DNASE1: variants seen among roughly 807,000 people sequenced by gnomAD.
DNASE1 encodes deoxyribonuclease-1.
A neutral mutation model predicts 33.9 loss-of-function variants in DNASE1; 40 were observed. That is an observed-to-expected ratio of 1.18 (90% CI 0.92 to 1.54). The LOEUF (loss-of-function observed/expected upper bound fraction) is 1.54, where lower values mean the gene tolerates loss of function less well. Among genes scored for constraint, DNASE1 ranks in the 40% most tolerant of loss-of-function variants. The probability of loss-of-function intolerance (pLI) is 0.00; values close to 1 mark genes in which losing one functional copy is unlikely to be tolerated. For synonymous variants in DNASE1, 216 were observed against 160.0 expected, an observed-to-expected ratio of 1.35 and a Z score of -2.64; for missense variants, 518 against 372.6, an observed-to-expected ratio of 1.39 and a Z score of -3.21.
intron 1 of DNASE1, among the ~76,000 whole-genome samples, chr16:3,635,985 T>C (rs2041856595): frequency 3.3e-5 from 5 of 152,354 alleles, no homozygotes; most frequent in East Asian, 3.9e-4. Context: ...TCATCAGTTT[T>C]GGAAAATTCT....
chr16:3,614,691 T>C (rs2041038356), intron 1 of DNASE1, among the ~76,000 whole-genome samples: 1 of 152,128 alleles, frequency 6.6e-6, no homozygotes, highest in African/African-American at 2.4e-5. Context: ...TGCTCCCAAG[T>C]AAGTTGTTTA....
downstream of DNASE1, chr16:3,658,298 A>G (rs1049916200): frequency 1.9e-5 from 24 of 1,247,170 alleles, no homozygotes; most frequent in Admixed American, 3.1e-4. Flanking sequence ...TTTTTTTGAG[A>G]CAGAGTCTCA....
chr16:3,620,386 CAG>C (rs1180779090), intron 1 of DNASE1, among the ~76,000 whole-genome samples: 3 of 151,138 alleles, frequency 2.0e-5, no homozygotes, highest in Admixed American at 6.6e-5. Context: ...TATTTAGAGA[CAG>C]AGTACTCAGT....
At chr16:3,652,587 G>C (rs894235669), upstream of DNASE1, 1 of 152,276 alleles carries the variant, frequency 6.6e-6, no homozygotes, top group Non-Finnish European at 1.5e-5. Flanking sequence ...CCTGAGGAGT[G>C]GTGGTGTTTC....
chr16:3,615,072 T>G (rs1197501139), intron 1 of DNASE1, among the ~76,000 whole-genome samples: 1 of 152,228 alleles, frequency 6.6e-6, no homozygotes, highest in Non-Finnish European at 1.5e-5. Flanking sequence ...TGGAATTTTT[T>G]TTTTTTAATT....
chr16:3,621,297 G>C (rs55701447), intron 1 of DNASE1, among the ~76,000 whole-genome samples: 8,080 of 152,208 alleles, frequency 0.053, 272 homozygotes, highest in Admixed American at 0.072. Flanking sequence ...ATCTTGCCCA[G>C]GCTGATCTTA....
At position 3,615,727 on chromosome 16, in the gene DNASE1, C is replaced by T. The variant is rs561932787; in HGVS notation, c.-1359+3721C>T. ...TGCTGTTTTCCCAGTTCATAGGAGT[C>T]GGTAATTTTTGGGTTCAGGGCAAAA... On this transcript the variant is annotated intron_variant and NMD_transcript_variant, in intron 1 of 11. Coordinates refer to the DNASE1 transcript ENST00000570769. 7.2e-5 allele frequency among the ~76,000 whole-genome samples: 11 copies of T among 152,212 alleles called. No homozygotes were observed. In the South Asian group the frequency reaches 1.7e-3, roughly 23 times the overall value.
chr16:3,615,811 T>C (rs1288093560), intron 1 of DNASE1, among the ~76,000 whole-genome samples: 3 of 152,230 alleles, frequency 2.0e-5, no homozygotes, highest in African/African-American at 7.2e-5. Context: ...ATATTTCCTT[T>C]TTGAAAGCTT....
intron 1 of DNASE1, among the ~76,000 whole-genome samples, chr16:3,618,533 C>T (rs1164268726): frequency 6.6e-6 from 1 of 152,170 alleles, no homozygotes; most frequent in East Asian, 1.9e-4. Flanking sequence ...AGTTTGAGAC[C>T]AGCTTGGCCA....
chr16:3,663,716 TACG>T, exon 10 of DNASE1: 1 of 861,218 alleles, frequency 1.2e-6, no homozygotes, highest in Non-Finnish European at 1.8e-6. Flanking sequence ...TGACAGTTAC[TACG>T]ACACCTGGGT....
chr16:3,640,443 C>T (rs370197336), upstream of DNASE1, among the ~76,000 whole-genome samples: 115 of 152,320 alleles, frequency 7.5e-4, 1 homozygote, highest in East Asian at 0.013. Flanking sequence ...GCCTGGAACC[C>T]GCCTCCTGGC....
intron 1 of DNASE1, among the ~76,000 whole-genome samples, chr16:3,616,482 G>C (rs1301184489): frequency 1.5e-5 from 2 of 130,536 alleles, no homozygotes; most frequent in Non-Finnish European, 3.3e-5. Flanking sequence ...TTAGCCGGAT[G>C]TGGTGGCAGG....
downstream of DNASE1, chr16:3,658,767 C>T (rs2042880893): frequency 1.9e-6 from 3 of 1,608,264 alleles, no homozygotes; most frequent in South Asian, 1.1e-5. Context: ...TGGGTCCCTG[C>T]AGTCATCCTA....
At chr16:3,612,612 G>A (rs1265882172) in intron 1 of DNASE1, among the ~76,000 whole-genome samples, 1 of 133,098 alleles carries the variant, frequency 7.5e-6, no homozygotes, top group African/African-American at 2.9e-5. Flanking sequence ...GTCTCACTAT[G>A]TTGCCCAGGC....
Position 3,637,792 on chromosome 16 carries a change from T to C in DNASE1, c.-1358-2923T>C, listed in dbSNP as rs1386178084. Among the ~76,000 whole-genome samples, 4 of 152,018 alleles carry C rather than the reference T, an allele frequency of 2.6e-5. No individual in the cohort carries two copies. In the East Asian group the frequency reaches 7.7e-4, roughly 29 times the overall value. ...TCATGGAGGTAAAGTCCACATTGAG[T>C]CTCCAGCAGTTCATGAATTGCTGTG... On this transcript the variant is annotated intron_variant and NMD_transcript_variant, in intron 1 of 11. Transcript: ENST00000570769.
upstream of DNASE1, chr16:3,652,148 G>C (rs1249304087): frequency 6.6e-6 from 1 of 152,414 alleles, no homozygotes; most frequent in Non-Finnish European, 1.5e-5. Context: ...GAGGAAGCAG[G>C]GGCACTATGC....
exon 10 of DNASE1, chr16:3,664,248 G>T: frequency 3.9e-6 from 6 of 1,533,238 alleles, no homozygotes; most frequent in East Asian, 2.3e-5. Flanking sequence ...AGCCCCCGGA[G>T]CCCGCCCCAC....
chr16:3,618,514 C>G (rs1596552859), intron 1 of DNASE1, among the ~76,000 whole-genome samples: 1 of 152,300 alleles, frequency 6.6e-6, no homozygotes, highest in East Asian at 1.9e-4. Flanking sequence ...CGGATTACCT[C>G]TGGTCAGGAG....
At position 3,658,052 on chromosome 16, in the gene DNASE1, C is replaced by A; in HGVS notation, c.*99C>A. 6.2e-7 allele frequency: 1 copy of A among 1,607,628 alleles called. No individual in the cohort carries two copies. The highest frequency in any genetic ancestry group is 8.5e-7 in the Non-Finnish European group (1 of 1,176,100). ...CAACACACACTCGGGTTAAGAAATA[C>A]CTTTAAATTTAGGTAAATAAAGCTC... On this transcript the variant is annotated 3_prime_UTR_variant, in exon 9 of 9. Coordinates refer to ENST00000246949, the MANE Select transcript of DNASE1 (RefSeq NM_005223.4).
Sources: allele counts gnomAD v4.1 joint callset (sites outside exome capture counted in the v4.1 genomes callset), GRCh38; gene constraint gnomAD v4.1.1; transcripts MANE v1.5; gene names NCBI Gene and HGNC (gene_info 2026-07-23, HGNC 2026-07-21).